Variants in MTX2 observed in about 807,000 individuals in gnomAD.
MTX2 encodes the protein metaxin-2.
Under a neutral mutation model 42.3 loss-of-function variants are expected in MTX2, and 35 were observed. That is an observed-to-expected ratio of 0.83 (90% CI 0.63 to 1.10). MTX2 has a LOEUF of 1.10. Among genes scored for constraint, MTX2 ranks in the 50% least tolerant of loss-of-function variants. MTX2 has a pLI of 0.00. For missense variants in MTX2, 307 were observed against 304.1 expected (o/e 1.01, Z -0.07); for synonymous variants, 119 against 100.9 (o/e 1.18, Z -1.08).
At chr2:176,337,144 C>T (rs941394392) in intron 9 of MTX2, among the ~76,000 whole-genome samples, 2 of 152,092 alleles carry the variant, frequency 1.3e-5, no homozygotes, top group Non-Finnish European at 2.9e-5. Context: ...CGGGCTTAAG[C>T]CATTCTACCA....
intron 8 of MTX2, among the ~76,000 whole-genome samples, chr2:176,329,670 A>C (rs1297417905): frequency 6.6e-6 from 1 of 150,982 alleles, no homozygotes; most frequent in Admixed American, 6.6e-5. Context: ...TCACCTAGAA[A>C]ATACCACCCT....
intron 3 of MTX2, among the ~76,000 whole-genome samples, chr2:176,318,946 A>C (rs547849363): frequency 6.6e-6 from 1 of 152,320 alleles, no homozygotes; most frequent in Non-Finnish European, 1.5e-5. Flanking sequence ...TGAATTTAAA[A>C]TTTTATTCAA....
intron 1 of MTX2, among the ~76,000 whole-genome samples, chr2:176,284,240 C>T (rs1040981818): frequency 2.0e-5 from 3 of 152,014 alleles, no homozygotes; most frequent in Admixed American, 1.3e-4. Flanking sequence ...CCACCATGTC[C>T]AGCTATGATG....
chr2:176,327,578 T>TA (rs1036128036), intron 5 of MTX2, among the ~76,000 whole-genome samples: 6 of 148,678 alleles, frequency 4.0e-5, no homozygotes, highest in Admixed American at 6.7e-5. Context: ...TATATATTAT[T>TA]TTTTTTTTCT....
intron 3 of MTX2, among the ~76,000 whole-genome samples, chr2:176,308,330 T>C (rs1251486720): frequency 1.3e-5 from 2 of 152,174 alleles, no homozygotes; most frequent in Non-Finnish European, 1.5e-5. Flanking sequence ...ATTTTCGCAT[T>C]GATGTTCATC....
chr2:176,276,798 C>T (rs1187389852), intron 1 of MTX2, among the ~76,000 whole-genome samples: 1 of 152,104 alleles, frequency 6.6e-6, no homozygotes, highest in Non-Finnish European at 1.5e-5. Flanking sequence ...CATATACCAT[C>T]TTTTCTGATT....
intron 8 of MTX2, 71 bp from the exon 9 acceptor site, chr2:176,330,513 T>G (rs1684837184): frequency 9.1e-7 from 1 of 1,104,228 alleles, no homozygotes; most frequent in Non-Finnish European, 1.3e-6. Flanking sequence ...GTGATACAAG[T>G]TACGTTTTAG....
Position 176,328,918 on chromosome 2 carries a change from T to C in MTX2, c.417+6T>C. The C allele has an allele frequency of 6.2e-7, 1 of 1,602,314 alleles. No homozygotes were observed. Among genetic ancestry groups the C allele is most frequent in the Middle Eastern group, 1.7e-4 (1 of 5,744 alleles). ...ATGAAGCTACAGTAGGGGAGGTGAGTGGTTCTGTAACATTTATCTTAATTA... is the reference window on the plus strand; with the variant it reads ...ATGAAGCTACAGTAGGGGAGGTGAGCGGTTCTGTAACATTTATCTTAATTA... On this transcript the variant is annotated splice_donor_region_variant and intron_variant, in intron 7 of 9. Coordinates refer to ENST00000249442, the MANE Select transcript of MTX2 (RefSeq NM_006554.5).
At chr2:176,328,184 C>A in intron 5 of MTX2, 109 bp from the exon 6 acceptor site, 1 of 542,480 alleles carries the variant, frequency 1.8e-6, no homozygotes, top group Non-Finnish European at 3.1e-6. Flanking sequence ...GCATTTTGGA[C>A]GTTTAATTCA....
chr2:176,328,223 TAGTG>T (rs1684757316), intron 5 of MTX2, 66 bp from the exon 6 acceptor site: 9 of 928,280 alleles, frequency 9.7e-6, no homozygotes, highest in Admixed American at 2.7e-5. Flanking sequence ...CGTTATTTGT[TAGTG>T]AGATAACTGA....
chr2:176,281,361 C>T (rs745686703), intron 1 of MTX2, among the ~76,000 whole-genome samples: 11 of 152,152 alleles, frequency 7.2e-5, no homozygotes, highest in Admixed American at 1.3e-4. Context: ...GTATCTCTGA[C>T]AGTTGATTCT....
intron 4 of MTX2, among the ~76,000 whole-genome samples, chr2:176,323,986 CT>C (rs943641384): frequency 4.6e-5 from 7 of 151,418 alleles, no homozygotes; most frequent in African/African-American, 1.7e-4. Flanking sequence ...GATGCTTTAG[CT>C]TCCTATTTTT....
At chr2:176,313,988 A>G (rs1042217059) in intron 3 of MTX2, among the ~76,000 whole-genome samples, 4 of 152,130 alleles carry the variant, frequency 2.6e-5, no homozygotes, top group Non-Finnish European at 5.9e-5. Flanking sequence ...AAGGCTGACT[A>G]TTTCCATTCA....
chr2:176,285,852 A>T (rs900912610), intron 1 of MTX2, among the ~76,000 whole-genome samples: 1 of 152,172 alleles, frequency 6.6e-6, no homozygotes, highest in African/African-American at 2.4e-5. Context: ...ACATTTGTAT[A>T]TAAGTCTTTA....
intron 3 of MTX2, among the ~76,000 whole-genome samples, chr2:176,312,383 A>G (rs757292223): frequency 6.6e-6 from 1 of 152,170 alleles, no homozygotes; most frequent in Non-Finnish European, 1.5e-5. Context: ...AACGAACCAT[A>G]TATTCTTGGG....
rs374683771 is a variant in MTX2, at chr2:176,269,665, T to C, written c.36T>C (p.Ile12=). The C allele has an allele frequency of 2.5e-6, 4 of 1,596,760 alleles. No homozygotes were observed. The highest frequency in any genetic ancestry group is 2.6e-6 in the Non-Finnish European group (3 of 1,174,526). ...TGGCGGAAGCCTTCGTCTCCCAGAT[T>C]GCAGGTAGCGCGGCTGGCCGCAGAC... ...SLVAEAFVSQ[I]AAAEPWPENA... Residue 12 remains isoleucine, a synonymous_variant, in exon 1 of 10, where the codon ATT becomes ATC. Coordinates refer to ENST00000249442, the MANE Select transcript of MTX2 (RefSeq NM_006554.5).
At chr2:176,317,032 CTT>C (rs71409088) in intron 3 of MTX2, among the ~76,000 whole-genome samples, 10 of 84,430 alleles carry the variant, frequency 1.2e-4, no homozygotes, top group Admixed American at 9.2e-4. Flanking sequence ...GACTAAGTGT[CTT>C]TTTTAAAAAA....
At chr2:176,275,812 C>T (rs1692933389) in intron 1 of MTX2, among the ~76,000 whole-genome samples, 1 of 152,110 alleles carries the variant, frequency 6.6e-6, no homozygotes, top group South Asian at 2.1e-4. Context: ...CTTGCCCATC[C>T]CTGTGCCAGG....
At chr2:176,313,385 ATTCTTTT>A in intron 3 of MTX2, among the ~76,000 whole-genome samples, 1 of 111,594 alleles carries the variant, frequency 9.0e-6, no homozygotes, top group African/African-American at 3.7e-5. Flanking sequence ...TTCTACACTG[ATTCTTTT>A]TTTTTTTTTT....
Sources: allele counts gnomAD v4.1 joint callset (sites outside exome capture counted in the v4.1 genomes callset), GRCh38; gene constraint gnomAD v4.1.1; transcripts MANE v1.5; gene names NCBI Gene and HGNC (gene_info 2026-07-23, HGNC 2026-07-21).